The following PHTF2 variants were observed in gnomAD, a reference collection of about 807,000 sequenced individuals.
The protein encoded by PHTF2 is putative homeodomain transcription factor 2.
A neutral mutation model predicts 101.2 loss-of-function variants in PHTF2; 60 were observed. The ratio of observed to expected loss-of-function variants is 0.59; its 90% confidence interval spans 0.48 to 0.73. The LOEUF (loss-of-function observed/expected upper bound fraction) is 0.73. PHTF2 is among the 30% of genes least tolerant of loss of function. The pLI is 0.00. For synonymous variants in PHTF2, 311 were observed against 307.3 expected, an observed-to-expected ratio of 1.01 and a Z score of -0.13; for missense variants, 747 against 908.7, an observed-to-expected ratio of 0.82 and a Z score of 2.29.
In PHTF2 at chr7:77,863,793, T is replaced by G. The variant is rs1468669178; in HGVS notation, c.147+8959T>G. Among the ~76,000 whole-genome samples, 12 of 151,468 alleles carry G rather than the reference T, an allele frequency of 7.9e-5. 1 individual carries two copies. In the East Asian group the frequency reaches 1.8e-3, roughly 22 times the overall value. On this transcript the variant is annotated intron_variant, in intron 3 of 19. Transcript: ENST00000416283. The stretch of plus-strand genomic sequence containing the variant: ...GAGTTCCCTGTTTTGTTTTGTTTTT[T>G]TTTTTTTTTGGAAGATAGGTTCTTA...
chr7:77,876,041 T>C (rs1305318705), intron 3 of PHTF2, among the ~76,000 whole-genome samples: 3 of 152,238 alleles, frequency 2.0e-5, no homozygotes. Flanking sequence ...ACAGTGCCTG[T>C]GTGCCTGAGC....
chr7:77,810,653 T>C (rs1294738192), intron 1 of PHTF2, among the ~76,000 whole-genome samples: 1 of 152,152 alleles, frequency 6.6e-6, no homozygotes, highest in African/African-American at 2.4e-5. Flanking sequence ...TTCTCCTGCC[T>C]CAGCCTCCCA....
At chr7:77,927,393 C>T (rs1255026252) in intron 11 of PHTF2, among the ~76,000 whole-genome samples, 2 of 151,788 alleles carry the variant, frequency 1.3e-5, no homozygotes, top group Non-Finnish European at 2.9e-5. Context: ...GTCAGGAGTT[C>T]AAGACCAGCC....
At chr7:77,888,137 C>T (rs553105791) in intron 3 of PHTF2, among the ~76,000 whole-genome samples, 39 of 151,202 alleles carry the variant, frequency 2.6e-4, no homozygotes, top group African/African-American at 5.1e-4. Flanking sequence ...TTTTTTGAGA[C>T]GGAGTTTCAC....
chr7:77,876,885 TATA>T (rs1049372914), intron 3 of PHTF2, among the ~76,000 whole-genome samples: 3 of 152,348 alleles, frequency 2.0e-5, no homozygotes, highest in African/African-American at 7.2e-5. Flanking sequence ...ATTTCCACTC[TATA>T]ATAATTCAGA....
chr7:77,845,909 T>C (rs762571879), intron 2 of PHTF2, among the ~76,000 whole-genome samples: 13 of 152,204 alleles, frequency 8.5e-5, no homozygotes, highest in Non-Finnish European at 1.8e-4. Context: ...GAAGCTTTTC[T>C]CAGGGTTTAC....
chr7:77,951,698 A>G (rs1806559904), exon 18 of PHTF2: 1 of 1,393,570 alleles, frequency 7.2e-7, no homozygotes, highest in Admixed American at 2.3e-5. Context: ...AAAACTGGCT[A>G]CTAAACTGCT....
At chr7:77,860,824 A>C (rs1362197185) in intron 3 of PHTF2, among the ~76,000 whole-genome samples, 1 of 151,616 alleles carries the variant, frequency 6.6e-6, no homozygotes, top group Non-Finnish European at 1.5e-5. Context: ...CAATCCTCCC[A>C]CCCCAGCCTC....
chr7:77,799,399 G>GAGAT (rs1347107046), intron 1 of PHTF2, among the ~76,000 whole-genome samples: 2 of 152,198 alleles, frequency 1.3e-5, no homozygotes, highest in East Asian at 1.9e-4. Flanking sequence ...GGCTGGCGGG[G>GAGAT]AGATGTCAGC....
intron 16 of PHTF2, among the ~76,000 whole-genome samples, chr7:77,948,211 A>G (rs1037837365): frequency 6.6e-6 from 1 of 152,114 alleles, no homozygotes; most frequent in South Asian, 2.1e-4. Flanking sequence ...TTTTAAAATT[A>G]CAGAAAGACT....
chr7:77,886,128 A>G (rs1237684375), intron 3 of PHTF2, among the ~76,000 whole-genome samples: 2 of 152,136 alleles, frequency 1.3e-5, no homozygotes, highest in Admixed American at 1.3e-4. Context: ...GTCTAATTAA[A>G]CTATTGATAA....
At chr7:77,848,817 T>C (rs529789058) in intron 2 of PHTF2, among the ~76,000 whole-genome samples, 154 of 152,326 alleles carry the variant, frequency 1.0e-3, no homozygotes, top group African/African-American at 3.5e-3. Flanking sequence ...AATGTTTTCT[T>C]GTAGTAGTTT....
At chr7:77,853,955 C>G (rs988634279) in intron 2 of PHTF2, among the ~76,000 whole-genome samples, 1 of 152,028 alleles carries the variant, frequency 6.6e-6, no homozygotes, top group Admixed American at 6.6e-5. Context: ...TTATTTAGTT[C>G]ATTTGGTGAG....
chr7:77,912,794 G>A (rs920966124), intron 9 of PHTF2, among the ~76,000 whole-genome samples: 6 of 126,446 alleles, frequency 4.7e-5, no homozygotes, highest in Admixed American at 3.9e-4. Flanking sequence ...GCGCAGTGGC[G>A]TGATCATGGC....
chr7:77,861,827 G>A (rs1314358717), intron 3 of PHTF2, among the ~76,000 whole-genome samples: 1 of 152,178 alleles, frequency 6.6e-6, no homozygotes, highest in Non-Finnish European at 1.5e-5. Flanking sequence ...GGAGGCCATG[G>A]CAGGTGCATC....
intron 3 of PHTF2, among the ~76,000 whole-genome samples, chr7:77,888,506 G>A (rs1333185832): frequency 6.6e-6 from 1 of 152,120 alleles, no homozygotes; most frequent in Admixed American, 6.5e-5. Context: ...AAACACTGGA[G>A]GCATTGGGGG....
At chr7:77,870,604 G>A (rs1467082725) in intron 3 of PHTF2, among the ~76,000 whole-genome samples, 1 of 152,082 alleles carries the variant, frequency 6.6e-6, no homozygotes, top group Non-Finnish European at 1.5e-5. Context: ...CCAGCCCACT[G>A]ACTCAAATGT....
intron 2 of PHTF2, among the ~76,000 whole-genome samples, chr7:77,848,351 C>T (rs1796473505): frequency 6.6e-6 from 1 of 152,162 alleles, no homozygotes; most frequent in Non-Finnish European, 1.5e-5. Context: ...CCCATTTCTC[C>T]ACATCCTTGC....
chr7:77,840,169 C>T (rs17807802), intron 1 of PHTF2, 52 bp from the exon 2 acceptor site: 242,190 of 978,340 alleles, frequency 0.25, 31,344 homozygotes, highest in South Asian at 0.28. Context: ...GTTCAGTCTC[C>T]TTTTGGAAGG....
Sources: allele counts gnomAD v4.1 joint callset (sites outside exome capture counted in the v4.1 genomes callset), GRCh38; gene constraint gnomAD v4.1.1; transcripts MANE v1.5; gene names NCBI Gene and HGNC (gene_info 2026-07-23, HGNC 2026-07-21).